ZNF282: variants seen among roughly 807,000 people sequenced by gnomAD.
The protein encoded by ZNF282 is zinc finger protein 282.
In ZNF282, 30 loss-of-function variants were observed where a neutral mutation model predicts 61.9. That is an observed-to-expected ratio of 0.48 (90% confidence interval 0.36 to 0.66). The LOEUF (loss-of-function observed/expected upper bound fraction) is 0.66, where lower values mean the gene tolerates loss of function less well. ZNF282 is among the 30% of genes least tolerant of loss of function. ZNF282 has a pLI of 0.00. For synonymous variants in ZNF282, 396 were observed against 405.0 expected (o/e 0.98, Z 0.27); for missense variants, 788 against 941.4 (o/e 0.84, Z 2.13).
At chr7:149,212,495 C>T (rs759387528) in intron 6 of ZNF282, 24 bp downstream of exon 6, 1 of 1,527,108 alleles carries the variant, frequency 6.5e-7, no homozygotes, top group East Asian at 2.3e-5. Flanking sequence ...CAGAATGAAT[C>T]TTGAGGGCAA....
Position 149,198,653 on chromosome 7 carries a change from G to T in ZNF282, c.486G>T (p.Gly162=), listed in dbSNP as rs766608939. The T allele has an allele frequency of 1.2e-6, 2 of 1,613,990 alleles. No individual in the cohort carries two copies. Among genetic ancestry groups the T allele is most frequent in the East Asian group, 2.2e-5 (1 of 44,902 alleles). ...TGGGGACCCTGCTGCAGGAGTACGG[G>T]CTGCTGCAGAGGCGGCTGGAGAACT... ...AVLGTLLQEY[G]LLQRRLENLE... The change falls in exon 2 of 8, where the codon GGG becomes GGT. Residue 162 remains glycine (G), a synonymous_variant. Coordinates refer to ENST00000610704, the MANE Select transcript of ZNF282 (RefSeq NM_003575.4). The surrounding 1 kb of genome is among the most constrained non-coding windows in gnomAD (Gnocchi z 4.3).
chr7:149,195,586 C>G lies in ZNF282; in HGVS notation c.-4C>G, dbSNP rs766636367. On this transcript the variant is annotated 5_prime_UTR_variant, in exon 1 of 8. Transcript: ENST00000610704. The stretch of plus-strand genomic sequence containing the variant: ...CGACCCGAGCGGGGAACAGCACTCC[C>G]AGGATGCAGTTTGTGTCAACACGGC... 1 of 1,609,788 alleles carries G rather than the reference C, an allele frequency of 6.2e-7. No individual in the cohort carries two copies. The highest frequency in any genetic ancestry group is 8.5e-7 in the Non-Finnish European group (1 of 1,178,376).
intron 4 of ZNF282, 89 bp downstream of exon 4, chr7:149,207,559 G>A (rs1585565637): frequency 1.3e-6 from 2 of 1,517,900 alleles, no homozygotes; most frequent in East Asian, 2.5e-5. Flanking sequence ...AGGCGCCACT[G>A]TGTGTGCACC....
At chr7:149,205,552 T>C (rs536934662) in intron 2 of ZNF282, among the ~76,000 whole-genome samples, 17 of 147,620 alleles carry the variant, frequency 1.2e-4, no homozygotes, top group African/African-American at 4.1e-4. Context: ...ATTCTAGTTC[T>C]GATTGTAAAG....
At chr7:149,217,708 G>A (rs1159783089) in intron 7 of ZNF282, among the ~76,000 whole-genome samples, 5 of 152,196 alleles carry the variant, frequency 3.3e-5, no homozygotes, top group Non-Finnish European at 5.9e-5. Context: ...GTGTGGACAT[G>A]AGGCAGAGCA....
chr7:149,224,497 C>T lies in ZNF282; in HGVS notation c.1866C>T (p.Arg622=), dbSNP rs1796327434. ...AGCAGAACCTGCTCAAGCACCAGCG[C>T]ATCCACACGGGCGAGCGCCCCTACA... ...IRKQNLLKHQ[R]IHTGERPYTC... Residue 622 remains arginine, a synonymous_variant, in exon 8 of 8, where the codon CGC becomes CGT. Coordinates refer to ENST00000610704, the MANE Select transcript of ZNF282 (RefSeq NM_003575.4). 1 of 1,612,864 alleles carries T rather than the reference C, an allele frequency of 6.2e-7. No individual in the cohort carries two copies. Among genetic ancestry groups the T allele is most frequent in the Non-Finnish European group, 8.5e-7 (1 of 1,179,834 alleles).
intron 7 of ZNF282, among the ~76,000 whole-genome samples, chr7:149,220,023 G>A (rs759816166): frequency 1.3e-5 from 2 of 152,170 alleles, no homozygotes; most frequent in Admixed American, 6.6e-5. Flanking sequence ...CATGGGCCTA[G>A]GGAGGGGGTT....
In ZNF282 at chr7:149,224,142, T is replaced by A; in HGVS notation, c.1511T>A (p.Leu504Gln). ...GGCGSCCPGG[L>Q]RRSLLLHGAR... is the part of the protein sequence containing the mutation. ...TGTGGCAGCTGCTGCCCTGGCGGGCTGCGGCGGAGCCTCCTCCTGCACGGC... is the reference window on the plus strand; with the variant it reads ...TGTGGCAGCTGCTGCCCTGGCGGGCAGCGGCGGAGCCTCCTCCTGCACGGC... The change falls in exon 8 of 8, where the codon CTG becomes CAG. Residue 504 changes from leucine to glutamine, a missense_variant. Coordinates refer to ENST00000610704, the MANE Select transcript of ZNF282 (RefSeq NM_003575.4). 12 of 1,493,688 alleles carry A rather than the reference T, an allele frequency of 8.0e-6. No homozygotes were observed. Among genetic ancestry groups the A allele is most frequent in the Non-Finnish European group, 1.1e-5 (12 of 1,126,654 alleles). The allele number at this position is 1,493,688 out of a possible 1,614,324, so 92.5% of individuals were successfully genotyped here.
At chr7:149,208,869 A>G (rs557069828) in intron 4 of ZNF282, among the ~76,000 whole-genome samples, 42 of 151,564 alleles carry the variant, frequency 2.8e-4, no homozygotes, top group South Asian at 2.1e-3. Flanking sequence ...AAAATACAAA[A>G]AATTAGCCGG....
At position 149,224,626 on chromosome 7, in the gene ZNF282, G is replaced by A. The variant is rs1179039057; in HGVS notation, c.1995G>A (p.Pro665=). Residue 665 remains proline (P), a synonymous_variant, in exon 8 of 8, where the codon CCG becomes CCA. Coordinates refer to ENST00000610704, the MANE Select transcript of ZNF282 (RefSeq NM_003575.4). ...GCCCCGGCGCCCCACGGCAGCTCCC[G>A]CCGCCTCCTGAGCGAGACTAGGGCT... ...GPGPGAPRQL[P]PPPERD is the part of the protein sequence containing the mutation. The A allele has an allele frequency of 6.5e-7, 1 of 1,533,474 alleles. No homozygotes were observed. The highest frequency in any genetic ancestry group is 8.7e-7 in the Non-Finnish European group (1 of 1,144,066). The allele number at this position is 1,533,474 out of a possible 1,614,324, so 95.0% of individuals were successfully genotyped here.
chr7:149,212,594 T>G, intron 6 of ZNF282, 123 bp downstream of exon 6: 1 of 825,654 alleles, frequency 1.2e-6, no homozygotes, highest in East Asian at 2.8e-5. Flanking sequence ...GATTTTTTGT[T>G]CTTTGAGACG....
At chr7:149,201,184 G>C (rs1795903363) in intron 2 of ZNF282, among the ~76,000 whole-genome samples, 1 of 152,162 alleles carries the variant, frequency 6.6e-6, no homozygotes, top group Non-Finnish European at 1.5e-5. Flanking sequence ...AGTCATACTT[G>C]TCTCCTCTCT....
chr7:149,195,671 G>A lies in ZNF282; in HGVS notation c.82G>A (p.Ala28Thr). 6.3e-7 allele frequency: 1 copy of A among 1,593,906 alleles called. No homozygotes were observed. Among genetic ancestry groups the A allele is most frequent in the Non-Finnish European group, 8.5e-7 (1 of 1,171,604 alleles). The part of the protein sequence containing the change: ...LGLDSGSWSW[A>T]QALPPEEVCH... ...GCTGGACAGCGGGAGCTGGAGCTGG[G>A]CCCAGGCTCTGCCCCCGGAGGAGGT... Residue 28 changes from alanine (A) to threonine (T), a missense_variant, in exon 1 of 8, where the codon GCC becomes ACC. By Grantham distance (58) the Ala-to-Thr change is moderately conservative (BLOSUM62 0). Coordinates refer to ENST00000610704, the MANE Select transcript of ZNF282 (RefSeq NM_003575.4).
chr7:149,202,150 CT>C (rs35380773), intron 2 of ZNF282, among the ~76,000 whole-genome samples: 5,749 of 126,518 alleles, frequency 0.045, 166 homozygotes, highest in African/African-American at 0.14. Context: ...AGATATGCTT[CT>C]TTTTTTTTTT....
In ZNF282 at chr7:149,206,749, G is replaced by C. The variant is rs761701836; in HGVS notation, c.639G>C (p.Lys213Asn). 10 of 1,614,100 alleles carry C rather than the reference G, an allele frequency of 6.2e-6. No homozygotes were observed. The highest frequency in any genetic ancestry group is 6.8e-6 in the Non-Finnish European group (8 of 1,180,052). The change falls in exon 3 of 8, where the codon AAG (lysine) becomes AAC (asparagine). Residue 213 changes from lysine (K) to asparagine (N), a missense_variant. Lys to Asn is a moderately conservative substitution (Grantham distance 94). Around this residue, in one of 3 missense-constraint regions of ZNF282, gnomAD observed 92 missense variants for 163.9 expected, o/e 0.56. Transcript: ENST00000610704. ...TGTACTTCTCCGAAGACGAGTGGAAGAACTTGGACGAATGGCAGAAGGAGC... is the reference window on the plus strand; with the variant it reads ...TGTACTTCTCCGAAGACGAGTGGAACAACTTGGACGAATGGCAGAAGGAGC... Reference protein sequence around the residue: ...IAVYFSEDEWKNLDEWQKELY... With the variant: ...IAVYFSEDEWNNLDEWQKELY...
chr7:149,224,723 C>T lies in ZNF282; in HGVS notation c.*76C>T, dbSNP rs947641543. Reference sequence around the variant, plus strand: ...GAGCACCAACCACCTTGCCGGGTGTCCTCAGCCACCGTCTGGAAATCGGCA... The same window carrying T: ...GAGCACCAACCACCTTGCCGGGTGTTCTCAGCCACCGTCTGGAAATCGGCA... On this transcript the variant is annotated 3_prime_UTR_variant, in exon 8 of 8. Coordinates refer to ENST00000610704, the MANE Select transcript of ZNF282 (RefSeq NM_003575.4). 8 of 1,439,612 alleles carry T rather than the reference C, an allele frequency of 5.6e-6. No individual in the cohort carries two copies. Among genetic ancestry groups the T allele is most frequent in the Non-Finnish European group, 7.3e-6 (8 of 1,102,134 alleles). The allele number at this position is 1,439,612 out of a possible 1,614,324, so 89.2% of individuals were successfully genotyped here. A position where few individuals can be genotyped will look rare whatever the true frequency, so the allele number is the denominator to read the frequency against.
In ZNF282 at chr7:149,224,594, G is replaced by A; in HGVS notation, c.1963G>A (p.Gly655Ser). The A allele has an allele frequency of 6.4e-7, 1 of 1,573,360 alleles. No individual in the cohort carries two copies. Residue 655 changes from glycine (G) to serine (S), a missense_variant, in exon 8 of 8, where the codon GGC (glycine) becomes AGC (serine). By Grantham distance (56) the Gly-to-Ser change is moderately conservative. This residue lies in a region of ZNF282 where 559 missense variants were observed against 642.0 expected (regional missense o/e 0.87). Transcript: ENST00000610704. ...GGACCACCTGCGCGTGCACAGCGGC[G>A]GCCCGGGCCCCGGCGCCCCACGGCA... ...LKDHLRVHSG[G>S]PGPGAPRQLP...
chr7:149,204,872 A>T (rs184062653), intron 2 of ZNF282, among the ~76,000 whole-genome samples: 102 of 152,242 alleles, frequency 6.7e-4, no homozygotes, highest in Non-Finnish European at 1.2e-3. Flanking sequence ...TAATACCAAC[A>T]CTTGGGGAGG....
At chr7:149,222,989 G>A (rs970397174) in intron 7 of ZNF282, among the ~76,000 whole-genome samples, 1 of 149,324 alleles carries the variant, frequency 6.7e-6, no homozygotes, top group East Asian at 2.0e-4. Flanking sequence ...GAGAGACAGA[G>A]TTTCGCTCTT....
Sources: gnomAD v4.1 joint callset for allele counts (sites outside exome capture counted in the v4.1 genomes callset) on GRCh38, gnomAD v4.1.1 for gene constraint, gnomAD v4.1.1 regional missense constraint, Gnocchi (gnomAD v3.1) non-coding constraint, MANE v1.5 for transcripts, NCBI Gene and HGNC (gene_info 2026-07-23, HGNC 2026-07-21) for gene names.